UIMC1: variants seen among roughly 807,000 people sequenced by gnomAD.
UIMC1 encodes BRCA1-A complex subunit RAP80.
Under a neutral mutation model 84.9 loss-of-function variants are expected in UIMC1, and 42 were observed. The observed-to-expected ratio is 0.49, with a 90% CI of 0.39 to 0.64. The LOEUF is 0.64. Ranked by LOEUF, UIMC1 falls within the 30% of genes least tolerant of loss-of-function variation. UIMC1 has a pLI of 0.00. For missense variants in UIMC1, 825 were observed against 847.6 expected, an observed-to-expected ratio of 0.97 and a Z score of 0.33; for synonymous variants, 281 against 293.0, an observed-to-expected ratio of 0.96 and a Z score of 0.42.
upstream of UIMC1, among the ~76,000 whole-genome samples, chr5:177,009,987 G>A (rs539608990): frequency 1.3e-5 from 2 of 151,992 alleles, no homozygotes; most frequent in Admixed American, 6.6e-5. This position sits in a 1 kb window ranked among gnomAD's most constrained non-coding sequence, Gnocchi z 4.3. Flanking sequence ...GTGAGACTCC[G>A]TCTCAAAAAA....
At chr5:176,945,295 C>A (rs536700786) in intron 9 of UIMC1, among the ~76,000 whole-genome samples, 1 of 152,100 alleles carries the variant, frequency 6.6e-6, no homozygotes, top group African/African-American at 2.4e-5. Context: ...AATCTTAAAA[C>A]GAAAAGTTGT....
At chr5:176,980,326 GTCCATCCGTCCATCCA>G (rs1770824275) in intron 2 of UIMC1, 1 of 151,570 alleles carries the variant, frequency 6.6e-6, no homozygotes, top group South Asian at 2.1e-4. Flanking sequence ...CCGTCCATCC[GTCCATCCGTCCATCCA>G]TCCATCCATC....
chr5:176,965,280 G>A (rs1228259542), intron 6 of UIMC1, among the ~76,000 whole-genome samples: 2 of 151,862 alleles, frequency 1.3e-5, no homozygotes, highest in African/African-American at 2.4e-5. Flanking sequence ...AAAATTAGGC[G>A]GGTGTGGTGG....
At chr5:177,005,524 C>T (rs1208219762) in intron 1 of UIMC1, among the ~76,000 whole-genome samples, 2 of 151,612 alleles carry the variant, frequency 1.3e-5, no homozygotes, top group Non-Finnish European at 2.9e-5. Context: ...AAGTGTGTAA[C>T]AATACAATCC....
intron 10 of UIMC1, among the ~76,000 whole-genome samples, chr5:176,913,437 T>G (rs1760523343): frequency 6.6e-6 from 1 of 152,236 alleles, no homozygotes. Flanking sequence ...TAACCTCTTT[T>G]AGATATACAA....
At chr5:176,979,416 G>A (rs981496121) in intron 2 of UIMC1, among the ~76,000 whole-genome samples, 5 of 152,098 alleles carry the variant, frequency 3.3e-5, no homozygotes, top group African/African-American at 1.2e-4. Context: ...AGACCAGCCT[G>A]GCCAACATGG....
At position 176,985,479 on chromosome 5, in the gene UIMC1, T is replaced by C. The variant is rs116091832; in HGVS notation, c.-8-2856A>G. Among the ~76,000 whole-genome samples, 1,508 of 151,592 alleles carry C rather than the reference T, an allele frequency of 9.9e-3. 23 individuals are homozygous for C. The highest frequency in any genetic ancestry group is 0.035 in the African/African-American group (1,460 of 41,342). ...CTCAAAAAAAAAAAAAAAACAACTA[T>C]ATAAATATACAAATCTCATTCTCCA... On this transcript the variant is annotated intron_variant, in intron 1 of 14. Coordinates refer to ENST00000511320, the MANE Select transcript of UIMC1 (RefSeq NM_001199298.2).
chr5:176,942,185 C>T (rs1764519687), intron 10 of UIMC1, among the ~76,000 whole-genome samples: 1 of 152,072 alleles, frequency 6.6e-6, no homozygotes, highest in African/African-American at 2.4e-5. Flanking sequence ...CTCGGTAACT[C>T]AGCAGAGATA....
chr5:176,955,348 A>C (rs1360092015), intron 8 of UIMC1, among the ~76,000 whole-genome samples: 1 of 152,204 alleles, frequency 6.6e-6, no homozygotes, highest in African/African-American at 2.4e-5. Flanking sequence ...TCTAAGATTA[A>C]AAATAATGAC....
intron 1 of UIMC1, among the ~76,000 whole-genome samples, chr5:176,992,192 C>A (rs1486708816): frequency 6.6e-6 from 1 of 152,056 alleles, no homozygotes; most frequent in Non-Finnish European, 1.5e-5. Flanking sequence ...TCCAAAAGCC[C>A]TTAAAGAATC....
intron 10 of UIMC1, among the ~76,000 whole-genome samples, 158 bp from the exon 11 acceptor site, chr5:176,911,547 T>C (rs1760218557): frequency 6.6e-6 from 1 of 152,194 alleles, no homozygotes; most frequent in Admixed American, 6.5e-5. Context: ...GAATTGAGAA[T>C]AGCGATTGTA....
chr5:176,918,051 AG>A (rs1761238907), intron 10 of UIMC1, among the ~76,000 whole-genome samples: 1 of 152,246 alleles, frequency 6.6e-6, no homozygotes, highest in Non-Finnish European at 1.5e-5. Context: ...TTGACAGCAC[AG>A]CTATAGAGCA....
intron 10 of UIMC1, among the ~76,000 whole-genome samples, chr5:176,927,006 T>A (rs1425273053): frequency 6.6e-6 from 1 of 151,856 alleles, no homozygotes. Flanking sequence ...AAAATAAGAG[T>A]TACTGCATAA....
chr5:176,968,907 C>A lies in UIMC1; in HGVS notation c.848G>T (p.Cys283Phe). The A allele has an allele frequency of 1.2e-6, 2 of 1,614,086 alleles. No homozygotes were observed. Among genetic ancestry groups the A allele is most frequent in the Non-Finnish European group, 1.7e-6 (2 of 1,179,992 alleles). The part of the protein sequence containing the change: ...TVNYFWGIPF[C>F]PDGVDPNQYT... Reference sequence around the variant, plus strand: ...CTGGTTAGGGTCTACTCCATCAGGGCAGAATGGAATACCCCAGAAATAGTT... The same window carrying A: ...CTGGTTAGGGTCTACTCCATCAGGGAAGAATGGAATACCCCAGAAATAGTT... Residue 283 changes from cysteine (C) to phenylalanine (F), a missense_variant, in exon 6 of 15, where the codon TGC becomes TTC. Physicochemically the swap from Cys to Phe is radical, Grantham distance 205. Coordinates refer to ENST00000511320, the MANE Select transcript of UIMC1 (RefSeq NM_001199298.2).
intron 7 of UIMC1, among the ~76,000 whole-genome samples, chr5:176,957,682 T>C (rs7722173): frequency 0.14 from 21,591 of 152,002 alleles, 3,297 homozygotes; most frequent in African/African-American, 0.38. Flanking sequence ...GATATACAGA[T>C]AAAATAAGCA....
At chr5:177,009,944 G>A (rs2149553259), upstream of UIMC1, among the ~76,000 whole-genome samples, 1 of 152,194 alleles carries the variant, frequency 6.6e-6, no homozygotes, top group African/African-American at 2.4e-5. The surrounding 1 kb of genome is among the most constrained non-coding windows in gnomAD (Gnocchi z 4.3). Flanking sequence ...GCTGAGGCAG[G>A]AGAATTGCTT....
chr5:176,955,890 G>A, intron 8 of UIMC1, 69 bp downstream of exon 8: 1 of 1,482,126 alleles, frequency 6.7e-7, no homozygotes, highest in Non-Finnish European at 9.4e-7. Context: ...AAGAGTCAGA[G>A]GAAAATTAAT....
At chr5:177,014,950 A>T (rs1391913890) in intron 1 of UIMC1, among the ~76,000 whole-genome samples, 1 of 152,158 alleles carries the variant, frequency 6.6e-6, no homozygotes. Flanking sequence ...AAAGGAGTAT[A>T]GACCAGGCAC....
chr5:176,944,807 G>A (rs1364775838), intron 9 of UIMC1, among the ~76,000 whole-genome samples: 2 of 152,104 alleles, frequency 1.3e-5, no homozygotes, highest in Non-Finnish European at 2.9e-5. Context: ...AACATCACCT[G>A]CCTTTTATTA....
Sources: gnomAD v4.1 joint callset for allele counts (sites outside exome capture counted in the v4.1 genomes callset) on GRCh38, gnomAD v4.1.1 for gene constraint, Gnocchi (gnomAD v3.1) non-coding constraint, MANE v1.5 for transcripts, NCBI Gene and HGNC (gene_info 2026-07-23, HGNC 2026-07-21) for gene names.